The following DLGAP2 variants were observed in gnomAD, a reference collection of about 807,000 sequenced individuals.
The protein encoded by DLGAP2 is DLG associated protein 2.
Under a neutral mutation model 100.3 loss-of-function variants are expected in DLGAP2, and 26 were observed. The ratio of observed to expected loss-of-function variants is 0.26; its 90% CI spans 0.19 to 0.36. The LOEUF is 0.36. Ranked by LOEUF, DLGAP2 falls within the 10% of genes least tolerant of loss-of-function variation. The pLI is 1.00. For synonymous variants in DLGAP2, 886 were observed against 630.1 expected (o/e 1.41, Z -6.08); for missense variants, 1,858 against 1,453.2 (o/e 1.28, Z -4.53).
intron 3 of DLGAP2, among the ~76,000 whole-genome samples, chr8:1,343,749 C>T (rs910919656): frequency 1.3e-5 from 2 of 151,732 alleles, no homozygotes; most frequent in African/African-American, 2.4e-5. Flanking sequence ...GACAGTGGAA[C>T]GGAGGCCTCT....
chr8:1,088,450 A>C (rs1804050530), intron 2 of DLGAP2, among the ~76,000 whole-genome samples: 1 of 152,144 alleles, frequency 6.6e-6, no homozygotes, highest in African/African-American at 2.4e-5. Flanking sequence ...GACCAGTAAC[A>C]CTGCCGGAAA....
chr8:1,685,715 A>G (rs1198986030), intron 12 of DLGAP2, among the ~76,000 whole-genome samples: 1 of 152,022 alleles, frequency 6.6e-6, no homozygotes, highest in Non-Finnish European at 1.5e-5. Context: ...ACCAGAATAT[A>G]CAAGGAGCTC....
chr8:945,475 A>G (rs151141022), intron 2 of DLGAP2, among the ~76,000 whole-genome samples: 1 of 152,342 alleles, frequency 6.6e-6, no homozygotes, highest in Non-Finnish European at 1.5e-5. Context: ...ACTAGCAGCT[A>G]GAAATACTAA....
intron 2 of DLGAP2, among the ~76,000 whole-genome samples, chr8:1,232,032 G>A (rs1298763693): frequency 6.6e-6 from 1 of 152,090 alleles, no homozygotes; most frequent in Non-Finnish European, 1.5e-5. Flanking sequence ...AATTGCTGTG[G>A]GAATCTGAAA....
chr8:1,336,128 A>C (rs911309119), intron 3 of DLGAP2, among the ~76,000 whole-genome samples: 4 of 152,248 alleles, frequency 2.6e-5, no homozygotes, highest in Non-Finnish European at 5.9e-5. Context: ...GTTCCTCCCC[A>C]CATTGGTGAC....
intron 3 of DLGAP2, among the ~76,000 whole-genome samples, chr8:1,340,857 A>T (rs925641195): frequency 6.6e-6 from 1 of 152,230 alleles, no homozygotes; most frequent in African/African-American, 2.4e-5. Context: ...GGTAGATTGG[A>T]TAAAGAAAAT....
At chr8:1,232,943 C>G (rs1354805508) in intron 2 of DLGAP2, among the ~76,000 whole-genome samples, 3 of 152,222 alleles carry the variant, frequency 2.0e-5, no homozygotes, top group African/African-American at 4.8e-5. Context: ...GGCCCACCCC[C>G]TGCCCAGCCC....
intron 3 of DLGAP2, among the ~76,000 whole-genome samples, chr8:1,303,410 A>G (rs77307117): frequency 6.7e-6 from 1 of 150,238 alleles, no homozygotes; most frequent in African/African-American, 2.5e-5. Context: ...AACAAAAAAA[A>G]AAAAAAAAAA....
At chr8:1,147,939 A>G (rs555987859) in intron 2 of DLGAP2, among the ~76,000 whole-genome samples, 21 of 152,302 alleles carry the variant, frequency 1.4e-4, no homozygotes, top group Non-Finnish European at 3.1e-4. Context: ...CAGATTGTCT[A>G]TTTTTTAAAA....
At chr8:1,147,351 T>A (rs1252470718) in intron 2 of DLGAP2, among the ~76,000 whole-genome samples, 1 of 152,232 alleles carries the variant, frequency 6.6e-6, no homozygotes, top group Non-Finnish European at 1.5e-5. Context: ...TTATTAACTT[T>A]GATTCTAGTG....
chr8:1,254,933 C>CCTCTGCTGCCCGGGTGCTGTGTGTGTGCT (rs1563043068), intron 2 of DLGAP2, among the ~76,000 whole-genome samples: 1 of 133,952 alleles, frequency 7.5e-6, no homozygotes, highest in African/African-American at 2.8e-5. Flanking sequence ...GTGTGTGTGC[C>CCTCTGCTGCCCGGGTGCTGTGTGTGTGCT]CTCTCCTGCC....
chr8:1,676,469 A>T, intron 10 of DLGAP2, 64 bp from the exon 11 acceptor site: 1 of 1,515,530 alleles, frequency 6.6e-7, no homozygotes, highest in Non-Finnish European at 9.0e-7. Context: ...CAACAACAAC[A>T]AAATAGTCCC....
At chr8:1,587,349 A>G (rs994807957) in intron 6 of DLGAP2, among the ~76,000 whole-genome samples, 1 of 152,260 alleles carries the variant, frequency 6.6e-6, no homozygotes, top group Admixed American at 6.5e-5. Context: ...GAAAATGGTG[A>G]TCTGGGGTGA....
chr8:1,022,413 A>C (rs1428313029), intron 2 of DLGAP2, among the ~76,000 whole-genome samples: 1 of 130,384 alleles, frequency 7.7e-6, no homozygotes, highest in Admixed American at 7.7e-5. Flanking sequence ...GACGCTCCAA[A>C]CAGCACCCAC....
chr8:1,136,225 A>G (rs1020556053), intron 2 of DLGAP2, among the ~76,000 whole-genome samples: 14 of 152,188 alleles, frequency 9.2e-5, no homozygotes, highest in African/African-American at 2.4e-4. Context: ...CCTTAGGCAC[A>G]TGAGTTGGGT....
At chr8:1,036,229 C>T (rs1421081621) in intron 2 of DLGAP2, among the ~76,000 whole-genome samples, 1 of 151,846 alleles carries the variant, frequency 6.6e-6, no homozygotes, top group Non-Finnish European at 1.5e-5. Flanking sequence ...CCGCGTGTCA[C>T]CGCGAGTGGA....
At chr8:1,053,063 A>T (rs1256505831) in intron 2 of DLGAP2, among the ~76,000 whole-genome samples, 1 of 152,234 alleles carries the variant, frequency 6.6e-6, no homozygotes, top group Non-Finnish European at 1.5e-5. Context: ...TTACATGTGG[A>T]GTAACAAACA....
chr8:1,501,847 A>T (rs1799734844), intron 4 of DLGAP2, among the ~76,000 whole-genome samples: 1 of 152,168 alleles, frequency 6.6e-6, no homozygotes. Context: ...TGGGGTCTGG[A>T]TGCTGAGTAT....
At chr8:1,347,176 C>A (rs1423984803) in intron 3 of DLGAP2, among the ~76,000 whole-genome samples, 1 of 152,054 alleles carries the variant, frequency 6.6e-6, no homozygotes, top group East Asian at 1.9e-4. Flanking sequence ...TACAGAGCTG[C>A]ATTGCTCTCA....
Sources: gnomAD v4.1 joint callset for allele counts (sites outside exome capture counted in the v4.1 genomes callset) on GRCh38, gnomAD v4.1.1 for gene constraint, MANE v1.5 for transcripts, NCBI Gene and HGNC (gene_info 2026-07-23, HGNC 2026-07-21) for gene names.